The following MAPKBP1 variants were observed in gnomAD, a reference collection of about 807,000 sequenced individuals.
MAPKBP1 encodes the protein mitogen-activated protein kinase binding protein 1.
A neutral mutation model predicts 170.5 loss-of-function variants in MAPKBP1; 71 were observed. That is an observed-to-expected ratio of 0.42 (90% CI 0.34 to 0.51). MAPKBP1 has a LOEUF of 0.51. Ranked by LOEUF, MAPKBP1 falls within the 20% of genes least tolerant of loss-of-function variation. MAPKBP1 has a pLI of 0.06. For synonymous variants in MAPKBP1, 719 were observed against 757.9 expected, an observed-to-expected ratio of 0.95 and a Z score of 0.84; for missense variants, 1,598 against 1,933.0, an observed-to-expected ratio of 0.83 and a Z score of 3.25.
In MAPKBP1 at chr15:41,810,962, C is replaced by T. The variant is rs778913039; in HGVS notation, c.269+17C>T. 4 of 1,613,744 alleles carry T rather than the reference C, an allele frequency of 2.5e-6. No individual in the cohort carries two copies. In the South Asian group the frequency reaches 4.4e-5, roughly 18 times the overall value. ...CAGTTCCAGGTAAATGGGCTGGGGT[C>T]CTCAGGATACCTCTTCCTTCTGGGA... On this transcript the variant is annotated intron_variant, in intron 4 of 30. Coordinates refer to ENST00000457542, the MANE Select transcript of MAPKBP1 (RefSeq NM_014994.3).
At chr15:41,810,976 T>A in intron 4 of MAPKBP1, 31 bp downstream of exon 4, 1 of 1,612,838 alleles carries the variant, frequency 6.2e-7, no homozygotes, top group Non-Finnish European at 8.5e-7. Context: ...AGGATACCTC[T>A]TCCTTCTGGG....
In MAPKBP1 at chr15:41,815,664, C is replaced by T. The variant is rs368296428; in HGVS notation, c.1358C>T (p.Ala453Val). The change falls in exon 12 of 31, where the codon GCC becomes GTC. Residue 453 changes from alanine to valine, a missense_variant. Transcript: ENST00000457542. ...KIIYVDGNTQALLDTELPGGD... is the reference protein window; with the variant it reads ...KIIYVDGNTQVLLDTELPGGD... ...ATCTATGTGGATGGGAACACCCAGG[C>T]CCTGCTGGACACAGAGCTGCCTGGA... The T allele has an allele frequency of 1.4e-4, 218 of 1,614,028 alleles. 1 individual carries two copies. In the South Asian group the frequency reaches 2.3e-3, roughly 17 times the overall value.
intron 2 of MAPKBP1, among the ~76,000 whole-genome samples, chr15:41,789,661 G>A (rs1183365779): frequency 6.6e-6 from 1 of 152,146 alleles, no homozygotes; most frequent in Admixed American, 6.5e-5. Context: ...TGACCACATG[G>A]GATACTCTGG....
rs557051865 is a variant in MAPKBP1, at chr15:41,805,408, C to G, written c.207-5475C>G. The stretch of plus-strand genomic sequence containing the variant: ...ATGGGCCTTCAAGCCCAGCACAGCC[C>G]CTGTGCCCCTGTGCCCCTGTGCCCA... On this transcript the variant is annotated intron_variant, in intron 3 of 30. Coordinates refer to ENST00000457542, the MANE Select transcript of MAPKBP1 (RefSeq NM_014994.3). Among the ~76,000 whole-genome samples, 8 of 152,046 alleles carry G rather than the reference C, an allele frequency of 5.3e-5. No individual in the cohort carries two copies. The East Asian group carries it at 1.5e-3, about 29-fold the overall frequency.
chr15:41,801,819 C>T (rs1475566682), intron 3 of MAPKBP1, among the ~76,000 whole-genome samples: 5 of 151,966 alleles, frequency 3.3e-5, no homozygotes, highest in Non-Finnish European at 7.4e-5. Flanking sequence ...CACTGCACTC[C>T]AGCCTGGGCG....
At chr15:41,780,402 A>G (rs947329790) in intron 2 of MAPKBP1, among the ~76,000 whole-genome samples, 8 of 152,198 alleles carry the variant, frequency 5.3e-5, no homozygotes, top group African/African-American at 1.9e-4. Flanking sequence ...TTTGGAGAAA[A>G]CAGTCCAAGG....
intron 2 of MAPKBP1, among the ~76,000 whole-genome samples, chr15:41,793,054 A>T (rs2064422808): frequency 6.6e-6 from 1 of 152,192 alleles, no homozygotes; most frequent in Non-Finnish European, 1.5e-5. Context: ...GTCAGGACAG[A>T]TTGAATGCAG....
At chr15:41,788,181 C>T (rs1459037763) in intron 2 of MAPKBP1, among the ~76,000 whole-genome samples, 2 of 152,160 alleles carry the variant, frequency 1.3e-5, no homozygotes, top group Admixed American at 6.5e-5. Flanking sequence ...TTGTCTTGAA[C>T]TTTTGACCTC....
intron 10 of MAPKBP1, 38 bp from the exon 11 acceptor site, chr15:41,815,221 C>A (rs183633907): frequency 3.7e-6 from 6 of 1,612,254 alleles, no homozygotes; most frequent in Non-Finnish European, 5.1e-6. Flanking sequence ...GGACTGCTCC[C>A]GAATGGAGGT....
intron 2 of MAPKBP1, among the ~76,000 whole-genome samples, chr15:41,790,495 A>C (rs2152071073): frequency 6.6e-6 from 1 of 152,320 alleles, no homozygotes; most frequent in East Asian, 1.9e-4. Flanking sequence ...TCTTGTCCCC[A>C]GGGGCTGTGG....
Position 41,785,415 on chromosome 15 carries a change from A to AT in MAPKBP1, c.114+10033dup, listed in dbSNP as rs201051745. ...GACTATGACTATGATTTTGGGGGGA[A>AT]TTTTTTTAAAATGTCAAACCAGTGA... On this transcript the variant is annotated intron_variant, in intron 2 of 30. Transcript: ENST00000457542. Among the ~76,000 whole-genome samples, 46 of 152,230 alleles carry AT rather than the reference A, an allele frequency of 3.0e-4. No individual in the cohort carries two copies. The East Asian group carries it at 8.1e-3, about 27-fold the overall frequency.
intron 2 of MAPKBP1, among the ~76,000 whole-genome samples, chr15:41,786,777 A>AAAAAAAAATATATATATATATATAT: frequency 2.2e-3 from 70 of 32,296 alleles, no homozygotes; most frequent in Non-Finnish European, 3.2e-3. Context: ...AAAAAAAAAA[A>AAAAAAAAATATATATATATATATAT]ATATATATAT....
chr15:41,795,298 T>C (rs2064469240), intron 2 of MAPKBP1, among the ~76,000 whole-genome samples: 1 of 152,174 alleles, frequency 6.6e-6, no homozygotes, highest in South Asian at 2.1e-4. Flanking sequence ...TTCAGGAAAT[T>C]AGCTTTGTGC....
At position 41,811,169 on chromosome 15, in the gene MAPKBP1, C is replaced by T. The variant is rs1462275918; in HGVS notation, c.270-9C>T. 1 of 1,614,212 alleles carries T rather than the reference C, an allele frequency of 6.2e-7. No individual in the cohort carries two copies. Among genetic ancestry groups the T allele is most frequent in the Non-Finnish European group, 8.5e-7 (1 of 1,180,026 alleles). ...CAGTGCCCCTCTGAGCCTGCCCCAT[C>T]TCTTGCAGGAAAACCATCACTGCCC... is the stretch of plus-strand genomic sequence containing the variant. On this transcript the variant is annotated splice_polypyrimidine_tract_variant and intron_variant, in intron 4 of 30. Coordinates refer to ENST00000457542, the MANE Select transcript of MAPKBP1 (RefSeq NM_014994.3).
At chr15:41,791,295 A>T (rs1027102189) in intron 2 of MAPKBP1, among the ~76,000 whole-genome samples, 1 of 152,200 alleles carries the variant, frequency 6.6e-6, no homozygotes, top group African/African-American at 2.4e-5. Flanking sequence ...CTTTACCAGT[A>T]TGAGGTCAGC....
chr15:41,794,112 A>T (rs1386140083), intron 2 of MAPKBP1, among the ~76,000 whole-genome samples: 5 of 152,034 alleles, frequency 3.3e-5, no homozygotes, highest in African/African-American at 1.2e-4. Context: ...GGTGCCTGTA[A>T]TCCTAGCTAC....
rs777977481 is a variant in MAPKBP1, at chr15:41,812,563, A to G, written c.546A>G (p.Ala182=). 8.1e-6 allele frequency: 13 copies of G among 1,614,128 alleles called. No homozygotes were observed. In the African/African-American group the frequency reaches 1.3e-4, roughly 17 times the overall value. The change falls in exon 7 of 31, where the codon GCA becomes GCG. Residue 182 remains alanine, a synonymous_variant. Transcript: ENST00000457542. ...ACAAGGTGTCCAGTCGGGTGACAGCAGTGTCCTTCTCTGAGGATTGCAGCT... is the reference window on the plus strand; with the variant it reads ...ACAAGGTGTCCAGTCGGGTGACAGCGGTGTCCTTCTCTGAGGATTGCAGCT... ...ASNKVSSRVT[A]VSFSEDCSYF...
Position 41,810,895 on chromosome 15 carries a change from G to A in MAPKBP1, c.219G>A (p.Val73=). 1 of 1,614,168 alleles carries A rather than the reference G, an allele frequency of 6.2e-7. No individual in the cohort carries two copies. The highest frequency in any genetic ancestry group is 8.5e-7 in the Non-Finnish European group (1 of 1,180,034). The change falls in exon 4 of 31, where the codon GTG becomes GTA. Residue 73 remains valine (V), a synonymous_variant. Coordinates refer to ENST00000457542, the MANE Select transcript of MAPKBP1 (RefSeq NM_014994.3). ...CTCATCTCCTCAGGTGTGTGGTTGT[G>A]TTGTTCAATCCCCGGAAACACAAAC... ...LVAYPAGCVV[V]LFNPRKHKQH...
chr15:41,807,106 TC>T, intron 3 of MAPKBP1, among the ~76,000 whole-genome samples: 1 of 152,202 alleles, frequency 6.6e-6, no homozygotes, highest in East Asian at 1.9e-4. Flanking sequence ...GCTTAGCTCT[TC>T]CATGGCACAC....
Sources: gnomAD v4.1 joint callset for allele counts (sites outside exome capture counted in the v4.1 genomes callset) on GRCh38, gnomAD v4.1.1 for gene constraint, MANE v1.5 for transcripts, NCBI Gene and HGNC (gene_info 2026-07-23, HGNC 2026-07-21) for gene names.